Variants in RNF17 observed in about 807,000 individuals in gnomAD.
The protein encoded by RNF17 is spermatogenesis associated 23.
RNF17 carries 31 observed loss-of-function variants against 200.5 expected under a neutral mutation model. That is an observed-to-expected ratio of 0.15 (90% CI 0.12 to 0.21). RNF17 has a LOEUF of 0.21. RNF17 is among the 10% of genes least tolerant of loss of function. The pLI is 1.00. For synonymous variants in RNF17, 606 were observed against 637.8 expected (o/e 0.95, Z 0.75); for missense variants, 1,628 against 1,905.1 (o/e 0.85, Z 2.71).
chr13:24,824,915 C>T (rs1158761167), intron 15 of RNF17, among the ~76,000 whole-genome samples: 2 of 152,038 alleles, frequency 1.3e-5, no homozygotes, highest in Admixed American at 1.3e-4. Flanking sequence ...TATGAAAAAG[C>T]CACCTATGAC....
At chr13:24,860,029 T>C (rs920668655) in intron 26 of RNF17, among the ~76,000 whole-genome samples, 3 of 152,008 alleles carry the variant, frequency 2.0e-5, no homozygotes, top group African/African-American at 7.2e-5. Context: ...CTTACACTTT[T>C]TCTATTGAAC....
Position 24,825,689 on chromosome 13 carries a change from A to G in RNF17, c.2162A>G (p.Asn721Ser). Residue 721 changes from asparagine to serine, a missense_variant, in exon 16 of 36, where the codon AAT (asparagine) becomes AGT (serine). By Grantham distance (46) the Asn-to-Ser change is conservative. Around this residue, in one of 5 missense-constraint regions of RNF17, gnomAD observed 289 missense variants for 384.9 expected, o/e 0.75. Transcript: ENST00000255324. ...EEFYKSEDGENLEILCPVQDQ... is the reference protein window; with the variant it reads ...EEFYKSEDGESLEILCPVQDQ... ...TTCTATAAAAGTGAAGATGGAGAAAATCTGGAAATCCTCTGTCCAGTTCAA... is the reference window on the plus strand; with the variant it reads ...TTCTATAAAAGTGAAGATGGAGAAAGTCTGGAAATCCTCTGTCCAGTTCAA... 4 of 1,612,568 alleles carry G rather than the reference A, an allele frequency of 2.5e-6. No individual in the cohort carries two copies. Among genetic ancestry groups the G allele is most frequent in the Non-Finnish European group, 3.4e-6 (4 of 1,178,698 alleles).
chr13:24,826,468 C>T (rs571980294), intron 16 of RNF17, among the ~76,000 whole-genome samples: 2 of 152,222 alleles, frequency 1.3e-5, no homozygotes, highest in South Asian at 4.1e-4. Context: ...GTAGATATGT[C>T]CTTTTTTAAT....
At chr13:24,809,852 G>A (rs1317886430) in intron 15 of RNF17, among the ~76,000 whole-genome samples, 9 of 151,964 alleles carry the variant, frequency 5.9e-5, no homozygotes, top group East Asian at 5.8e-4. Context: ...CTTTGTTCTC[G>A]TTGGTTTCAA....
At chr13:24,864,829 A>G in intron 28 of RNF17, 44 bp from the exon 29 acceptor site, 1 of 1,373,326 alleles carries the variant, frequency 7.3e-7, no homozygotes, top group Non-Finnish European at 1.0e-6. Context: ...AATGTCATCA[A>G]GTGGAGTTTA....
intron 34 of RNF17, 152 bp downstream of exon 34, chr13:24,877,338 A>G: frequency 1.9e-6 from 1 of 535,132 alleles, no homozygotes; most frequent in Non-Finnish European, 3.1e-6. Flanking sequence ...CTTTATATAT[A>G]CATATAAAGC....
intron 1 of RNF17, 45 bp from the exon 2 acceptor site, chr13:24,767,227 A>AATAATC (rs1555262823): frequency 1.5e-6 from 2 of 1,308,270 alleles, no homozygotes; most frequent in East Asian, 4.6e-5. Flanking sequence ...CTGTCTCAAT[A>AATAATC]ATCATCATCA....
chr13:24,847,822 G>T (rs931376603), intron 22 of RNF17, among the ~76,000 whole-genome samples: 4 of 152,024 alleles, frequency 2.6e-5, no homozygotes, highest in African/African-American at 9.7e-5. Context: ...TCTTTTCAGT[G>T]CCCTGGAATG....
chr13:24,786,548 G>A (rs1593248800), intron 6 of RNF17, among the ~76,000 whole-genome samples: 1 of 152,002 alleles, frequency 6.6e-6, no homozygotes, highest in Non-Finnish European at 1.5e-5. Context: ...TCACATTAAC[G>A]TGAAGCACTT....
At chr13:24,881,104 CCT>C (rs1030477893), downstream of RNF17, among the ~76,000 whole-genome samples, 66 of 152,076 alleles carry the variant, frequency 4.3e-4, no homozygotes, top group South Asian at 8.3e-4. Context: ...TTGCCTTTCC[CCT>C]GTTTTGTAAT....
At position 24,831,898 on chromosome 13, in the gene RNF17, G is replaced by C. The variant is rs754905710; in HGVS notation, c.2402G>C (p.Arg801Thr). 4.4e-6 allele frequency: 7 copies of C among 1,609,030 alleles called. No homozygotes were observed. Among genetic ancestry groups the C allele is most frequent in the Non-Finnish European group, 5.9e-6 (7 of 1,178,104 alleles). Residue 801 changes from arginine to threonine, a missense_variant, in exon 18 of 36, where the codon AGG (arginine) becomes ACG (threonine). By Grantham distance (71) the Arg-to-Thr change is moderately conservative. Transcript: ENST00000255324. ...CKLAYIEPYK[R>T]TMQWSKEAKE... is the part of the protein sequence containing the mutation. ...TTGGCCTATATTGAACCATATAAAA[G>C]GACAATGCAGTGGTCCAAAGAAGCT...
chr13:24,883,913 G>A, downstream of RNF17: 8 of 1,611,974 alleles, frequency 5.0e-6, no homozygotes, highest in Non-Finnish European at 6.8e-6. Flanking sequence ...GAGCACAGAT[G>A]AACAGGTGTC....
intron 33 of RNF17, among the ~76,000 whole-genome samples, chr13:24,875,087 A>G (rs1051208285): frequency 1.3e-5 from 2 of 152,256 alleles, no homozygotes; most frequent in African/African-American, 4.8e-5. Flanking sequence ...TGGAAAATGC[A>G]TACTATGAAA....
the RNF17 span, among the ~76,000 whole-genome samples, chr13:24,752,899 C>T: frequency 5.3e-5 from 8 of 152,330 alleles, no homozygotes; most frequent in South Asian, 4.1e-4. Flanking sequence ...GCGTGGCCTG[C>T]GTGGCCCTAC....
At chr13:24,753,662 T>C in the RNF17 span, among the ~76,000 whole-genome samples, 4 of 152,068 alleles carry the variant, frequency 2.6e-5, no homozygotes, top group Non-Finnish European at 5.9e-5. Context: ...GAGCAAAAGG[T>C]TGTGGATTGT....
chr13:24,768,486 A>G (rs12858673), intron 2 of RNF17, among the ~76,000 whole-genome samples: 150,309 of 152,140 alleles, frequency 0.99, 74,268 homozygotes, highest in Middle Eastern at 1. Context: ...GGGTTTCACC[A>G]TATTAGCCAG....
At chr13:24,859,212 CA>C in intron 26 of RNF17, 48 bp downstream of exon 26, 4 of 1,375,300 alleles carry the variant, frequency 2.9e-6, no homozygotes, top group African/African-American at 1.4e-5. Flanking sequence ...AATGCTATAG[CA>C]TTAAATAGTC....
At chr13:24,844,940 T>G in intron 21 of RNF17, 21 bp from the exon 22 acceptor site, 1 of 1,562,680 alleles carries the variant, frequency 6.4e-7, no homozygotes, top group Non-Finnish European at 8.8e-7. Context: ...GTCTGTAGAC[T>G]TAAAGTTATT....
chr13:24,842,992 A>C (rs896680533), intron 19 of RNF17, among the ~76,000 whole-genome samples: 1 of 146,036 alleles, frequency 6.8e-6, no homozygotes, highest in African/African-American at 2.8e-5. Flanking sequence ...GTCTAAAAAA[A>C]AAAAAAGAAA....
Sources: gnomAD v4.1 joint callset for allele counts (sites outside exome capture counted in the v4.1 genomes callset) on GRCh38, gnomAD v4.1.1 for gene constraint, gnomAD v4.1.1 regional missense constraint, MANE v1.5 for transcripts, NCBI Gene and HGNC (gene_info 2026-07-23, HGNC 2026-07-21) for gene names.